The following GPR158 variants were observed in gnomAD, a reference collection of about 807,000 sequenced individuals.
GPR158 encodes G protein-coupled receptor 158.
A neutral mutation model predicts 78.2 loss-of-function variants in GPR158; 30 were observed. That is an observed-to-expected ratio of 0.38 (90% CI 0.29 to 0.52). The LOEUF (loss-of-function observed/expected upper bound fraction) is 0.52. Ranked by LOEUF, GPR158 falls within the 20% of genes least tolerant of loss-of-function variation. The probability of loss-of-function intolerance (pLI) is 0.83; values close to 1 mark genes in which losing one functional copy is unlikely to be tolerated. For synonymous variants in GPR158, 581 were observed against 591.1 expected, an observed-to-expected ratio of 0.98 and a Z score of 0.25; for missense variants, 1,463 against 1,523.5, an observed-to-expected ratio of 0.96 and a Z score of 0.66.
At chr10:25,271,309 G>A (rs1042712529) in intron 2 of GPR158, among the ~76,000 whole-genome samples, 2 of 152,110 alleles carry the variant, frequency 1.3e-5, no homozygotes, top group East Asian at 3.9e-4. Flanking sequence ...ATTTATTTAT[G>A]CAATGATTTT....
intron 2 of GPR158, among the ~76,000 whole-genome samples, chr10:25,357,378 A>G (rs991433216): frequency 8.5e-5 from 13 of 152,130 alleles, no homozygotes; most frequent in African/African-American, 3.1e-4. Flanking sequence ...TGGGCACAAT[A>G]TCTCCAGGGC....
rs1564399782 is a variant in GPR158, at chr10:25,241,369, T to TCTC, written c.1008+20212_1008+20213insCTC. 3.4e-3 allele frequency among the ~76,000 whole-genome samples: 292 copies of TCTC among 85,340 alleles called. 8 individuals are homozygous for TCTC. The highest frequency in any genetic ancestry group is 0.016 in the African/African-American group (284 of 17,382). 56.0% of individuals were successfully genotyped at this position (85,340 alleles called of 152,430 possible). ...TTTTCTCTTTTCTTTTCTCTTTTCT[T>TCTC]TTCTCTCTTCTCTTCTCTTCTCTTC... On this transcript the variant is annotated intron_variant, in intron 2 of 10. Transcript: ENST00000376351.
At chr10:25,445,928 A>G (rs913032071) in intron 4 of GPR158, among the ~76,000 whole-genome samples, 15 of 152,222 alleles carry the variant, frequency 9.9e-5, no homozygotes, top group African/African-American at 3.6e-4. Flanking sequence ...AAGGTATTCA[A>G]GAACCTCTAG....
chr10:25,589,218 G>A (rs1431230547), intron 8 of GPR158, 73 bp downstream of exon 8: 12 of 1,027,226 alleles, frequency 1.2e-5, no homozygotes, highest in Non-Finnish European at 1.7e-5. Context: ...AACAAAATTA[G>A]ATAAGATGCA....
At chr10:25,369,114 CAG>C (rs920883146) in intron 2 of GPR158, among the ~76,000 whole-genome samples, 40 of 151,842 alleles carry the variant, frequency 2.6e-4, no homozygotes, top group African/African-American at 9.2e-4. Flanking sequence ...CATCTGCAAA[CAG>C]GGACAATTTG....
intron 2 of GPR158, among the ~76,000 whole-genome samples, chr10:25,369,937 T>A (rs1265137038): frequency 6.6e-6 from 1 of 150,790 alleles, no homozygotes; most frequent in Non-Finnish European, 1.5e-5. Flanking sequence ...TCTTCTAGCT[T>A]TTCTAGTTTA....
Position 25,465,656 on chromosome 10 carries a change from G to A in GPR158, c.1336-995G>A, listed in dbSNP as rs77243201. ...ATGTGATTTATATTGTGCACATAGC[G>A]AAGCTGTGTTTGTGAGTTTTAGGGG... On this transcript the variant is annotated intron_variant, in intron 4 of 10. Transcript: ENST00000376351. Among the ~76,000 whole-genome samples, 668 of 152,300 alleles carry A rather than the reference G, an allele frequency of 4.4e-3. 8 individuals carry two copies. Among genetic ancestry groups the A allele is most frequent in the African/African-American group, 0.014 (598 of 41,562 alleles).
intron 1 of GPR158, among the ~76,000 whole-genome samples, chr10:25,182,962 A>G (rs940455754): frequency 6.6e-5 from 10 of 152,312 alleles, no homozygotes; most frequent in Non-Finnish European, 1.2e-4. Context: ...GTTCACTAGT[A>G]CTGGGGCTAT....
chr10:25,462,620 A>T (rs575160197), intron 4 of GPR158, among the ~76,000 whole-genome samples: 1 of 152,340 alleles, frequency 6.6e-6, no homozygotes, highest in Non-Finnish European at 1.5e-5. Flanking sequence ...TCAAAATATC[A>T]ACATTAACAA....
intron 4 of GPR158, among the ~76,000 whole-genome samples, chr10:25,448,617 T>G (rs1285635925): frequency 1.3e-5 from 2 of 152,244 alleles, no homozygotes; most frequent in Non-Finnish European, 2.9e-5. Flanking sequence ...TTCTTTCTTT[T>G]AGGTGAATAC....
chr10:25,363,772 T>A (rs1329259), intron 2 of GPR158, among the ~76,000 whole-genome samples: 97,193 of 151,592 alleles, frequency 0.64, 32,085 homozygotes, highest in Non-Finnish European at 0.72. Flanking sequence ...AGCACTTAGG[T>A]TCCCCCTGTG....
At chr10:25,290,033 A>C (rs557039485) in intron 2 of GPR158, among the ~76,000 whole-genome samples, 1 of 152,180 alleles carries the variant, frequency 6.6e-6, no homozygotes, top group Non-Finnish European at 1.5e-5. Flanking sequence ...TAAAATTATC[A>C]CACAGTTAGT....
At chr10:25,257,964 G>T (rs931003562) in intron 2 of GPR158, among the ~76,000 whole-genome samples, 1 of 152,164 alleles carries the variant, frequency 6.6e-6, no homozygotes. Context: ...GACTCTTCGA[G>T]ATGGGAATGC....
intron 5 of GPR158, among the ~76,000 whole-genome samples, chr10:25,510,845 A>G (rs1266878301): frequency 2.0e-5 from 3 of 152,312 alleles, no homozygotes; most frequent in South Asian, 2.1e-4. Context: ...ATGGTCTCCA[A>G]TTCCATCCGG....
At chr10:25,372,364 A>T (rs1208888703) in intron 2 of GPR158, among the ~76,000 whole-genome samples, 1 of 151,474 alleles carries the variant, frequency 6.6e-6, no homozygotes, top group Admixed American at 6.6e-5. Flanking sequence ...CTGGGTATAT[A>T]CCCAAAGGGC....
chr10:25,464,235 T>C (rs79175186), intron 4 of GPR158, among the ~76,000 whole-genome samples: 3 of 152,102 alleles, frequency 2.0e-5, no homozygotes, highest in African/African-American at 7.2e-5. Context: ...TACTGTTATG[T>C]GGTGGTGATG....
In GPR158 at chr10:25,371,091, T is replaced by C. The variant is rs373340406; in HGVS notation, c.1009-24820T>C. 2.7e-5 allele frequency among the ~76,000 whole-genome samples: 4 copies of C among 148,730 alleles called. 1 individual carries two copies. The highest frequency in any genetic ancestry group is 9.9e-5 in the African/African-American group (4 of 40,270). On this transcript the variant is annotated intron_variant, in intron 2 of 10. Coordinates refer to ENST00000376351, the MANE Select transcript of GPR158 (RefSeq NM_020752.3). The stretch of plus-strand genomic sequence containing the variant: ...GCATGTGAGATGGGTTTCCTGAATA[T>C]AGCACACTGATGGGTCTTGACTCTT...
At position 25,455,402 on chromosome 10, in the gene GPR158, T is replaced by C. The variant is rs200365711; in HGVS notation, c.1336-11249T>C. Among the ~76,000 whole-genome samples the C allele has an allele frequency of 1.7e-4, 26 of 152,230 alleles. No individual in the cohort carries two copies. In the East Asian group the frequency reaches 4.2e-3, roughly 25 times the overall value. On this transcript the variant is annotated intron_variant, in intron 4 of 10. Transcript: ENST00000376351. ...TCTGTTATATTATAAAACTTTTTTT[T>C]CTAACGTTTGGTTTTATAACATTGC...
At chr10:25,293,938 G>C (rs1854475484) in intron 2 of GPR158, among the ~76,000 whole-genome samples, 1 of 151,898 alleles carries the variant, frequency 6.6e-6, no homozygotes, top group Admixed American at 6.6e-5. Context: ...GCAGAGACAG[G>C]GTTTCACCAT....
Sources: gnomAD v4.1 joint callset for allele counts (sites outside exome capture counted in the v4.1 genomes callset) on GRCh38, gnomAD v4.1.1 for gene constraint, MANE v1.5 for transcripts, NCBI Gene and HGNC (gene_info 2026-07-23, HGNC 2026-07-21) for gene names.